Variants in NYAP2 observed in about 807,000 individuals in gnomAD.
The protein encoded by NYAP2 is neuronal tyrosine-phosphorylated phosphoinositide-3-kinase adaptor 2, also known as neuronal tyrosine-phosphorylated phosphoinositide-3-kinase adapter 2.
NYAP2 carries 23 observed loss-of-function variants against 50.4 expected under a neutral mutation model. The ratio of observed to expected loss-of-function variants is 0.46; its 90% CI spans 0.33 to 0.65. The LOEUF (loss-of-function observed/expected upper bound fraction) is 0.65, where lower values mean the gene tolerates loss of function less well. Among genes scored for constraint, NYAP2 ranks in the 30% least tolerant of loss-of-function variants. The pLI is 0.02. For synonymous variants in NYAP2, 394 were observed against 365.2 expected, an observed-to-expected ratio of 1.08 and a Z score of -0.90; for missense variants, 885 against 861.0, an observed-to-expected ratio of 1.03 and a Z score of -0.35.
At chr2:225,651,640 T>C in exon 7 of NYAP2, 1 of 1,560,280 alleles carries the variant, frequency 6.4e-7, no homozygotes, top group Admixed American at 1.8e-5. Context: ...TCGCATTTGC[T>C]TTTATTTTTC....
At chr2:225,475,108 GA>G (rs1690081008) in intron 3 of NYAP2, among the ~76,000 whole-genome samples, 1 of 152,142 alleles carries the variant, frequency 6.6e-6, no homozygotes. Context: ...TGAAAGTACA[GA>G]AAACTATAGC....
chr2:225,483,933 A>C (rs1390430920), intron 3 of NYAP2, among the ~76,000 whole-genome samples: 1 of 152,232 alleles, frequency 6.6e-6, no homozygotes, highest in Non-Finnish European at 1.5e-5. Context: ...ATTTACTTTA[A>C]AATTTTAAAT....
In NYAP2 at chr2:225,469,549, T is replaced by C. The variant is rs546003005; in HGVS notation, c.222-43822T>C. ...TCATTCTACTATAAAGACACATGCA[T>C]ACTATGTTTATTGTGGCACTATTCA... On this transcript the variant is annotated intron_variant, in intron 3 of 6. Coordinates refer to ENST00000636099, the Ensembl canonical transcript of NYAP2. 4.0e-3 allele frequency among the ~76,000 whole-genome samples: 604 copies of C among 152,306 alleles called. 6 individuals carry two copies. The highest frequency in any genetic ancestry group is 0.013 in the African/African-American group (522 of 41,568).
chr2:225,477,362 G>A (rs1026876957), intron 3 of NYAP2, among the ~76,000 whole-genome samples: 15 of 141,288 alleles, frequency 1.1e-4, no homozygotes, highest in African/African-American at 3.2e-4. Context: ...TCAGCCTCCC[G>A]AGTAGCTGGG....
intron 4 of NYAP2, among the ~76,000 whole-genome samples, chr2:225,581,233 A>G (rs1692263495): frequency 6.6e-6 from 1 of 152,236 alleles, no homozygotes; most frequent in African/African-American, 2.4e-5. Flanking sequence ...AGTGGAACAT[A>G]TCTAATAAAT....
chr2:225,640,813 C>A (rs1693514711), intron 6 of NYAP2, among the ~76,000 whole-genome samples: 1 of 152,028 alleles, frequency 6.6e-6, no homozygotes, highest in South Asian at 2.1e-4. Flanking sequence ...ACATATTTCC[C>A]CTTTAACTTG....
At chr2:225,665,793 A>G in the NYAP2 span, among the ~76,000 whole-genome samples, 2 of 112,550 alleles carry the variant, frequency 1.8e-5, no homozygotes, top group African/African-American at 3.3e-5. Context: ...TGGGCAACAG[A>G]GCAAGCCTCC....
chr2:225,423,646 T>A, intron 3 of NYAP2, among the ~76,000 whole-genome samples: 1 of 152,212 alleles, frequency 6.6e-6, no homozygotes, highest in African/African-American at 2.4e-5. Context: ...TATTTTTTAA[T>A]GATGTGCTTT....
At chr2:225,410,419 T>C (rs1334435010) in intron 3 of NYAP2, among the ~76,000 whole-genome samples, 1 of 152,062 alleles carries the variant, frequency 6.6e-6, no homozygotes, top group African/African-American at 2.4e-5. Context: ...AAATGCCTTC[T>C]TAGGACATTT....
rs1439173171 is a variant in NYAP2 at position 225,644,151 on chromosome 2, T to C, written c.1829-7281T>C. ...GATCGCCATTCTAACTGGTGTGAGATGGTATCTCATTGTTTTGATTTGCAT... is the reference window on the plus strand; with the variant it reads ...GATCGCCATTCTAACTGGTGTGAGACGGTATCTCATTGTTTTGATTTGCAT... On this transcript the variant is annotated intron_variant, in intron 6 of 6. Transcript: ENST00000636099. 1.3e-5 allele frequency among the ~76,000 whole-genome samples: 2 copies of C among 152,096 alleles called. 1 individual carries two copies. Among genetic ancestry groups the C allele is most frequent in the Admixed American group, 1.3e-4 (2 of 15,252 alleles).
At chr2:225,625,570 A>G (rs1456563793) in intron 5 of NYAP2, among the ~76,000 whole-genome samples, 1 of 152,116 alleles carries the variant, frequency 6.6e-6, no homozygotes, top group Admixed American at 6.6e-5. Context: ...GCAAAGAAAC[A>G]CAAGACATAA....
intron 4 of NYAP2, among the ~76,000 whole-genome samples, chr2:225,537,075 G>A (rs1407050736): frequency 6.6e-6 from 1 of 152,116 alleles, no homozygotes; most frequent in African/African-American, 2.4e-5. Context: ...ACTGAGCCCG[G>A]CCTTATTCAT....
intron 3 of NYAP2, among the ~76,000 whole-genome samples, chr2:225,466,222 C>A (rs930218398): frequency 6.6e-6 from 1 of 152,144 alleles, no homozygotes; most frequent in African/African-American, 2.4e-5. Context: ...GATTTATATG[C>A]CCTCTTGACA....
intron 3 of NYAP2, among the ~76,000 whole-genome samples, chr2:225,436,466 C>A (rs745661324): frequency 1.8e-4 from 28 of 152,232 alleles, no homozygotes; most frequent in Non-Finnish European, 3.5e-4. Context: ...GGCATTTTCC[C>A]CATGTGTGTC....
chr2:225,621,464 G>T (rs977409361), intron 5 of NYAP2, among the ~76,000 whole-genome samples: 1 of 152,052 alleles, frequency 6.6e-6, no homozygotes, highest in Admixed American at 6.5e-5. Context: ...GGGTTGTCGG[G>T]GGCCAAAGGG....
At chr2:225,692,870 T>TACACACAC in the NYAP2 span, among the ~76,000 whole-genome samples, 2 of 132,842 alleles carry the variant, frequency 1.5e-5, no homozygotes, top group African/African-American at 5.1e-5. Flanking sequence ...TCTTTAAACA[T>TACACACAC]ACACACACAC....
chr2:225,420,546 A>C (rs1396686476), intron 3 of NYAP2, among the ~76,000 whole-genome samples: 1 of 152,094 alleles, frequency 6.6e-6, no homozygotes, highest in Non-Finnish European at 1.5e-5. Context: ...AGCTGGCCCA[A>C]CAATAACCGA....
At chr2:225,543,928 C>T (rs1346234779) in intron 4 of NYAP2, among the ~76,000 whole-genome samples, 7 of 152,032 alleles carry the variant, frequency 4.6e-5, no homozygotes, top group Admixed American at 4.6e-4. Flanking sequence ...CTTTAGATAT[C>T]TGAATGCTCC....
chr2:225,547,797 G>A (rs1211629939), intron 4 of NYAP2, among the ~76,000 whole-genome samples: 2 of 152,142 alleles, frequency 1.3e-5, no homozygotes, highest in African/African-American at 4.8e-5. Context: ...CTGATTTTTA[G>A]TTCTTATGAA....
Sources: allele counts gnomAD v4.1 joint callset (sites outside exome capture counted in the v4.1 genomes callset), GRCh38; gene constraint gnomAD v4.1.1; transcripts MANE v1.5; gene names NCBI Gene and HGNC (gene_info 2026-07-23, HGNC 2026-07-21).